Variants in DPH1 observed in about 807,000 individuals in gnomAD.
DPH1 encodes diphthamide biosynthesis 1.
In DPH1, 59 loss-of-function variants were observed where a neutral mutation model predicts 55.3. The observed-to-expected ratio is 1.07, with a 90% CI of 0.87 to 1.33. The LOEUF is 1.33. DPH1 is among the 40% of genes most tolerant of loss of function. The pLI is 0.00. For synonymous variants in DPH1, 238 were observed against 235.5 expected (o/e 1.01, Z -0.10); for missense variants, 628 against 584.8 (o/e 1.07, Z -0.76).
At position 2,040,377 on chromosome 17, in the gene DPH1, C is replaced by T. The variant is rs1306085177; in HGVS notation, c.906+3C>T. 7 of 1,613,784 alleles carry T rather than the reference C, an allele frequency of 4.3e-6. No individual in the cohort carries two copies. The Admixed American group carries it at 6.7e-5, about 15-fold the overall frequency. On this transcript the variant is annotated splice_donor_region_variant and intron_variant, in intron 8 of 12. Coordinates refer to ENST00000263083, the MANE Select transcript of DPH1 (RefSeq NM_001383.6). Reference sequence around the variant, plus strand: ...AGGGCAGTCCTAAGATCCTGGAGGTCAGTGGGCTCAGGACAGCCTCTGGAG... The same window carrying T: ...AGGGCAGTCCTAAGATCCTGGAGGTTAGTGGGCTCAGGACAGCCTCTGGAG...
Position 2,036,319 on chromosome 17 carries a change from GT to G in DPH1, c.401-208del, listed in dbSNP as rs2067423891. The stretch of plus-strand genomic sequence containing the variant: ...GATGCAGGTGTTTGAAAGGCTGTTG[GT>G]TGTAGAGCAGGCTGGGCCCCGGCCG... On this transcript the variant is annotated intron_variant, in intron 4 of 12. Transcript: ENST00000263083. The surrounding 1 kb of genome is among the most constrained non-coding windows in gnomAD (Gnocchi z 4.8). 3.8e-6 allele frequency: 4 copies of G among 1,064,256 alleles called. No individual in the cohort carries two copies. The African/African-American group carries it at 6.4e-5, about 17-fold the overall frequency. The allele number at this position is 1,064,256 out of a possible 1,614,324, so 65.9% of individuals were successfully genotyped here. A position where few individuals can be genotyped will look rare whatever the true frequency, so the allele number is the denominator to read the frequency against.
rs1426878947 is a variant in DPH1, at chr17:2,041,488, T to C, written c.1094T>C (p.Val365Ala). Residue 365 changes from valine to alanine, a missense_variant, in exon 11 of 13, where the codon GTG becomes GCG. By Grantham distance (64) the Val-to-Ala change is moderately conservative. Transcript: ENST00000263083. ...CTCCCTCCCCTCCCCTAGGCGGCCG[T>C]GGCTCTGAGGGACATTTCCTGGCAG... ...KPLLTPYEAA[V>A]ALRDISWQQP... 6.2e-7 allele frequency: 1 copy of C among 1,608,082 alleles called. No homozygotes were observed.
chr17:2,039,699 G>T (rs1314350960), intron 6 of DPH1, 56 bp from the exon 7 acceptor site: 1 of 1,611,616 alleles, frequency 6.2e-7, no homozygotes, highest in African/African-American at 1.3e-5. Context: ...TTCTAAGCCA[G>T]CGAGTGCCTC....
At position 2,036,503 on chromosome 17, in the gene DPH1, A is replaced by G; in HGVS notation, c.401-26A>G. The G allele has an allele frequency of 6.2e-7, 1 of 1,611,120 alleles. No homozygotes were observed. Among genetic ancestry groups the G allele is most frequent in the Non-Finnish European group, 8.5e-7 (1 of 1,177,974 alleles). On this transcript the variant is annotated intron_variant, in intron 4 of 12. Transcript: ENST00000263083. This position sits in a 1 kb window ranked among gnomAD's most constrained non-coding sequence, Gnocchi z 4.8. ...CTCTGCTGCTCCTGCCTTCCCAAAC[A>G]GCCCCTGAACTCCTCCCTCCCACAG...
Position 2,042,594 on chromosome 17 carries a change from T to C in DPH1, c.*19-11T>C, listed in dbSNP as rs370835296. 2.7e-6 allele frequency: 4 copies of C among 1,509,172 alleles called. No homozygotes were observed. In the South Asian group the frequency reaches 5.6e-5, roughly 21 times the overall value. 93.5% of individuals were successfully genotyped at this position (1,509,172 alleles called of 1,614,324 possible). A position where few individuals can be genotyped will look rare whatever the true frequency, so the allele number is the denominator to read the frequency against. ...GCCCTAATCCCATCCTTTTTCCTCA[T>C]ATCGCTGTAGGGTCCTGCCCTCCGG... On this transcript the variant is annotated splice_polypyrimidine_tract_variant and intron_variant, in intron 12 of 12. Coordinates refer to ENST00000263083, the MANE Select transcript of DPH1 (RefSeq NM_001383.6).
chr17:2,039,827 TGGGCTGGGCC>T lies in DPH1; in HGVS notation c.749+14_749+23del, dbSNP rs751928852. ...ACCCCAATGTCCCCGCTTACCGGTATGGGCTGGGCCGGGCTGGGCTGACCAGCTGGTGAGG... is the reference window on the plus strand; with the variant it reads ...ACCCCAATGTCCCCGCTTACCGGTATGGGCTGGGCTGACCAGCTGGTGAGG... On this transcript the variant is annotated splice_donor_5th_base_variant and intron_variant, in intron 7 of 12. Transcript: ENST00000263083. 9.9e-6 allele frequency: 16 copies of T among 1,613,394 alleles called. No homozygotes were observed. Among genetic ancestry groups the T allele is most frequent in the Admixed American group, 8.3e-5 (5 of 60,004 alleles).
rs531793802 is a variant in DPH1, at chr17:2,043,839, G to A, written c.*1253G>A. On this transcript the variant is annotated 3_prime_UTR_variant, in exon 13 of 13. Coordinates refer to ENST00000263083, the MANE Select transcript of DPH1 (RefSeq NM_001383.6). The stretch of plus-strand genomic sequence containing the variant: ...GAGCCTGAAGGGTGGGTCGATGCCA[G>A]ACCTTAGGTGGAGGCCAAAGACAGT... Among the ~76,000 whole-genome samples the A allele has an allele frequency of 6.6e-6, 1 of 152,198 alleles. No individual in the cohort carries two copies. The highest frequency in any genetic ancestry group is 1.5e-5 in the Non-Finnish European group (1 of 68,044).
rs774819957 is a variant in DPH1, at chr17:2,043,724, C to G, written c.*1138C>G. The stretch of plus-strand genomic sequence containing the variant: ...CCACAGTAATTTAGTCTTCCTCTAT[C>G]CAGATCACTGAGAGTTGTGTGCTGG... On this transcript the variant is annotated 3_prime_UTR_variant, in exon 13 of 13. Coordinates refer to ENST00000263083, the MANE Select transcript of DPH1 (RefSeq NM_001383.6). The G allele has an allele frequency of 2.0e-5, 3 of 153,164 alleles. No individual in the cohort carries two copies. The highest frequency in any genetic ancestry group is 4.4e-5 in the Non-Finnish European group (3 of 68,796). 9.5% of individuals were successfully genotyped at this position (153,164 alleles called of 1,614,324 possible). A position where few individuals can be genotyped will look rare whatever the true frequency, so the allele number is the denominator to read the frequency against.
Position 2,036,420 on chromosome 17 carries a change from T to C in DPH1, c.401-109T>C, listed in dbSNP as rs752163379. On this transcript the variant is annotated intron_variant, in intron 4 of 12. Transcript: ENST00000263083. This position sits in a 1 kb window ranked among gnomAD's most constrained non-coding sequence, Gnocchi z 4.8. ...CCCCTCTTCTCCTACCCTGTCCTTTTACCCCCAGGCTGAAGCCACTGCGCC... is the reference window on the plus strand; with the variant it reads ...CCCCTCTTCTCCTACCCTGTCCTTTCACCCCCAGGCTGAAGCCACTGCGCC... 18 of 1,408,816 alleles carry C rather than the reference T, an allele frequency of 1.3e-5. No homozygotes were observed. The highest frequency in any genetic ancestry group is 1.7e-5 in the Non-Finnish European group (17 of 1,022,002). The allele number at this position is 1,408,816 out of a possible 1,614,324, so 87.3% of individuals were successfully genotyped here. A position where few individuals can be genotyped will look rare whatever the true frequency, so the allele number is the denominator to read the frequency against.
intron 12 of DPH1, chr17:2,042,247 C>T: frequency 7.1e-7 from 1 of 1,412,594 alleles, no homozygotes; most frequent in Non-Finnish European, 9.2e-7. Flanking sequence ...ACAAGCCCCG[C>T]TCCGGAAACG....
In DPH1 at chr17:2,042,627, G is replaced by T; in HGVS notation, c.*41G>T. 1 of 1,519,838 alleles carries T rather than the reference G, an allele frequency of 6.6e-7. No homozygotes were observed. The highest frequency in any genetic ancestry group is 8.8e-7 in the Non-Finnish European group (1 of 1,136,856). The allele number at this position is 1,519,838 out of a possible 1,614,324, so 94.1% of individuals were successfully genotyped here. On this transcript the variant is annotated 3_prime_UTR_variant, in exon 13 of 13. Transcript: ENST00000263083. ...TAGGGTCCTGCCCTCCGGAGGAGCA[G>T]CCTCGAGGCTGGTGGTTTTCAGAGC... is the stretch of plus-strand genomic sequence containing the variant.
intron 9 of DPH1, 131 bp downstream of exon 9, chr17:2,040,736 C>A: frequency 9.8e-7 from 1 of 1,022,184 alleles, no homozygotes; most frequent in South Asian, 1.4e-5. Context: ...AGAGACCTCC[C>A]TGGGAGGGCT....
At position 2,041,181 on chromosome 17, in the gene DPH1, G is replaced by A; in HGVS notation, c.1086G>A (p.Glu362=). ...CCAAGCCGCTGCTGACACCCTATGA[G>A]GTAACACCAAGCTCTGGGAGAGAGT... ...AFPKPLLTPY[E]AAVALRDISW... is the part of the protein sequence containing the mutation. The change falls in exon 10 of 13, where the codon GAG becomes GAA. Residue 362 remains glutamate, a splice_region_variant and synonymous_variant. Coordinates refer to ENST00000263083, the MANE Select transcript of DPH1 (RefSeq NM_001383.6). 2 of 1,603,372 alleles carry A rather than the reference G, an allele frequency of 1.2e-6. No homozygotes were observed. Among genetic ancestry groups the A allele is most frequent in the African/African-American group, 2.7e-5 (2 of 74,952 alleles).
rs1164779833 is a variant in DPH1, at chr17:2,039,834, G to A, written c.749+11G>A. On this transcript the variant is annotated intron_variant, in intron 7 of 12. Transcript: ENST00000263083. ...TGTCCCCGCTTACCGGTATGGGCTG[G>A]GCCGGGCTGGGCTGACCAGCTGGTG... 6.2e-7 allele frequency: 1 copy of A among 1,613,960 alleles called. No homozygotes were observed.
chr17:2,041,067 G>T, intron 9 of DPH1, 36 bp from the exon 10 acceptor site: 2 of 1,572,476 alleles, frequency 1.3e-6, no homozygotes, highest in Non-Finnish European at 1.7e-6. Flanking sequence ...CGACGAGGAG[G>T]CCCTTCCTAG....
rs1035013240 is a variant in DPH1, at chr17:2,036,697, C to A, written c.558+11C>A. 1.2e-6 allele frequency: 2 copies of A among 1,613,662 alleles called. No homozygotes were observed. Among genetic ancestry groups the A allele is most frequent in the Non-Finnish European group, 8.5e-7 (1 of 1,179,904 alleles). On this transcript the variant is annotated intron_variant, in intron 5 of 12. Transcript: ENST00000263083. This position sits in a 1 kb window ranked among gnomAD's most constrained non-coding sequence, Gnocchi z 4.8. Reference sequence around the variant, plus strand: ...GTGTCGACCTTGCAGGTGGGTGGAACGAGGATCCTCGGCCTCCTGCAGGGT... The same window carrying A: ...GTGTCGACCTTGCAGGTGGGTGGAAAGAGGATCCTCGGCCTCCTGCAGGGT...
At chr17:2,035,122 A>T (rs2067393322) in intron 3 of DPH1, 1 of 152,004 alleles carries the variant, frequency 6.6e-6, no homozygotes, top group African/African-American at 2.4e-5. Context: ...CCCCAGGGGA[A>T]GGATGGGGGG....
rs2067562085 is a variant in DPH1, at chr17:2,042,592, CAT to C, written c.*19-10_*19-9del. 3 of 1,508,908 alleles carry C rather than the reference CAT, an allele frequency of 2.0e-6. No individual in the cohort carries two copies. Among genetic ancestry groups the C allele is most frequent in the Non-Finnish European group, 2.7e-6 (3 of 1,130,596 alleles). 93.5% of individuals were successfully genotyped at this position (1,508,908 alleles called of 1,614,324 possible). On this transcript the variant is annotated splice_polypyrimidine_tract_variant and intron_variant, in intron 12 of 12. Transcript: ENST00000263083. ...ATGCCCTAATCCCATCCTTTTTCCT[CAT>C]ATCGCTGTAGGGTCCTGCCCTCCGG...
chr17:2,041,939 C>T (rs1413268461), intron 12 of DPH1, 64 bp downstream of exon 12: 1 of 1,527,148 alleles, frequency 6.5e-7, no homozygotes. Context: ...CCTTGGCGCT[C>T]CGAGGCCCGC....
Sources: allele counts gnomAD v4.1 joint callset (sites outside exome capture counted in the v4.1 genomes callset), GRCh38; gene constraint gnomAD v4.1.1; non-coding constraint Gnocchi (gnomAD v3.1); transcripts MANE v1.5; gene names NCBI Gene and HGNC (gene_info 2026-07-23, HGNC 2026-07-21).